Variants in SYN3 observed in about 807,000 individuals in gnomAD.
SYN3 encodes synapsin III, also known as synapsin-3.
Under a neutral mutation model 65.8 loss-of-function variants are expected in SYN3, and 35 were observed. The ratio of observed to expected loss-of-function variants is 0.53; its 90% CI spans 0.41 to 0.70. The LOEUF (loss-of-function observed/expected upper bound fraction) is 0.70, where lower values mean the gene tolerates loss of function less well. Ranked by LOEUF, SYN3 falls within the 30% of genes least tolerant of loss-of-function variation. SYN3 has a pLI of 0.00. For missense variants in SYN3, 680 were observed against 749.0 expected (o/e 0.91, Z 1.08); for synonymous variants, 270 against 292.9 (o/e 0.92, Z 0.80).
chr22:32,631,009 G>A (rs1422278696), intron 6 of SYN3, among the ~76,000 whole-genome samples: 1 of 152,164 alleles, frequency 6.6e-6, no homozygotes. Flanking sequence ...AATACCTGCA[G>A]AGGGCCGGGT....
At chr22:32,695,210 T>C (rs1030266994) in intron 6 of SYN3, among the ~76,000 whole-genome samples, 3 of 152,214 alleles carry the variant, frequency 2.0e-5, no homozygotes, top group African/African-American at 7.2e-5. Flanking sequence ...ATTATTTTAT[T>C]TCATTGTTTT....
chr22:32,704,538 G>A lies in SYN3; in HGVS notation c.712-107802C>T, dbSNP rs185658170. ...TGCTGCAATGAACATATGCATGCACGTGTCTTTATGGTAGAACAATTTATA... is the reference window on the plus strand; with the variant it reads ...TGCTGCAATGAACATATGCATGCACATGTCTTTATGGTAGAACAATTTATA... On this transcript the variant is annotated intron_variant, in intron 6 of 13. Transcript: ENST00000358763. Among the ~76,000 whole-genome samples, 87 of 152,272 alleles carry A rather than the reference G, an allele frequency of 5.7e-4. 1 individual carries two copies. In the East Asian group the frequency reaches 0.015, roughly 26 times the overall value.
intron 6 of SYN3, among the ~76,000 whole-genome samples, chr22:32,770,105 G>A (rs544422043): frequency 2.6e-5 from 4 of 152,172 alleles, no homozygotes; most frequent in East Asian, 3.9e-4. Context: ...GCTCAGCCCC[G>A]AAACCTTGGA....
Position 32,518,159 on chromosome 22 carries a change from C to T in SYN3, c.1494G>A (p.Gln498=). The change falls in exon 13 of 14, where the codon CAG becomes CAA. Residue 498 remains glutamine, a synonymous_variant. Transcript: ENST00000358763. The part of the protein sequence containing the change: ...SRASSGSSPN[Q]ASKPGATLAS... ...CGAGGGTGGCACCTGGCTTGGAGGC[C>T]TGGTTTGGGGAGCTGCCACTGGATG... 1 of 1,612,792 alleles carries T rather than the reference C, an allele frequency of 6.2e-7. No individual in the cohort carries two copies.
intron 6 of SYN3, among the ~76,000 whole-genome samples, chr22:32,752,336 T>G (rs954217237): frequency 6.6e-6 from 1 of 152,122 alleles, no homozygotes; most frequent in African/African-American, 2.4e-5. Context: ...TTCGTCTCCA[T>G]CCTTCTCACC....
chr22:32,624,081 T>C (rs1336058163), intron 6 of SYN3, among the ~76,000 whole-genome samples: 1 of 152,220 alleles, frequency 6.6e-6, no homozygotes, highest in Non-Finnish European at 1.5e-5. Flanking sequence ...GATCAACTGT[T>C]TGGACTTCTG....
At chr22:32,653,434 C>G (rs924411997) in intron 6 of SYN3, among the ~76,000 whole-genome samples, 8 of 151,770 alleles carry the variant, frequency 5.3e-5, no homozygotes, top group African/African-American at 1.9e-4. Flanking sequence ...ATGAAACAAA[C>G]AAAAAAGGTT....
intron 6 of SYN3, among the ~76,000 whole-genome samples, chr22:32,621,559 G>A (rs2146751110): frequency 6.6e-6 from 1 of 152,256 alleles, no homozygotes; most frequent in African/African-American, 2.4e-5. Flanking sequence ...AGGAGCCCTG[G>A]GCTTGGGGGT....
At chr22:33,000,382 C>T (rs766863911) in intron 2 of SYN3, among the ~76,000 whole-genome samples, 1 of 152,162 alleles carries the variant, frequency 6.6e-6, no homozygotes, top group Non-Finnish European at 1.5e-5. Flanking sequence ...GCAAAGACGG[C>T]TTTGAGACCC....
At chr22:32,533,765 C>G (rs1189778901) in intron 10 of SYN3, 28 bp downstream of exon 10, 1 of 1,547,982 alleles carries the variant, frequency 6.5e-7, no homozygotes, top group African/African-American at 1.4e-5. Context: ...CTGGACCAGC[C>G]AGGAGGACTC....
intron 6 of SYN3, among the ~76,000 whole-genome samples, chr22:32,849,191 C>T (rs2048150841): frequency 6.6e-6 from 1 of 152,170 alleles, no homozygotes; most frequent in African/African-American, 2.4e-5. Flanking sequence ...CGGGGGTTGA[C>T]TATAGCCTTG....
At chr22:33,042,381 A>C (rs1189568262) in intron 1 of SYN3, among the ~76,000 whole-genome samples, 3 of 152,182 alleles carry the variant, frequency 2.0e-5, no homozygotes, top group African/African-American at 7.2e-5. Context: ...AAAGAAGCAA[A>C]GCCCTTTAGT....
Position 32,556,810 on chromosome 22 carries a change from T to C in SYN3, c.775-15097A>G, listed in dbSNP as rs1452949951. On this transcript the variant is annotated intron_variant, in intron 7 of 13. Transcript: ENST00000358763. ...CCAATCTATAGGTTTCCTGGTTTTTTTTTTTTTTTTTTTTTTTTTTTTTTT... is the reference window on the plus strand; with the variant it reads ...CCAATCTATAGGTTTCCTGGTTTTTCTTTTTTTTTTTTTTTTTTTTTTTTT... Among the ~76,000 whole-genome samples, 46 of 101,914 alleles carry C rather than the reference T, an allele frequency of 4.5e-4. 4 individuals carry two copies. The highest frequency in any genetic ancestry group is 1.2e-3 in the African/African-American group (32 of 26,666). The allele number at this position is 101,914 out of a possible 152,430, so 66.9% of individuals were successfully genotyped here. A position where few individuals can be genotyped will look rare whatever the true frequency, so the allele number is the denominator to read the frequency against.
At chr22:32,689,782 C>T (rs2060638353) in intron 6 of SYN3, among the ~76,000 whole-genome samples, 1 of 152,078 alleles carries the variant, frequency 6.6e-6, no homozygotes, top group African/African-American at 2.4e-5. Context: ...GCATTTAAGT[C>T]CCAGATCCTA....
intron 7 of SYN3, among the ~76,000 whole-genome samples, chr22:32,577,816 C>G (rs147144213): frequency 3.0e-4 from 45 of 152,324 alleles, no homozygotes; most frequent in Non-Finnish European, 5.9e-4. Context: ...TGCCCTTCCT[C>G]CACATGTCCA....
intron 6 of SYN3, among the ~76,000 whole-genome samples, chr22:32,688,852 T>C (rs2060626580): frequency 3.3e-5 from 5 of 152,274 alleles, no homozygotes; most frequent in East Asian, 1.9e-4. Context: ...GGTAAAATAC[T>C]TGGGCTGGTG....
chr22:33,052,721 T>C (rs2054190681), intron 1 of SYN3, among the ~76,000 whole-genome samples: 1 of 152,194 alleles, frequency 6.6e-6, no homozygotes, highest in South Asian at 2.1e-4. Context: ...CCAAAGACAT[T>C]ACATCATCGG....
intron 3 of SYN3, 129 bp from the exon 4 acceptor site, chr22:32,931,610 G>T (rs73881913): frequency 3.1e-6 from 2 of 636,382 alleles, no homozygotes; most frequent in East Asian, 2.8e-5. Flanking sequence ...GGAAGTTGCC[G>T]ATATTATTTT....
chr22:32,895,329 T>C (rs1047946161), intron 4 of SYN3, among the ~76,000 whole-genome samples: 2 of 152,234 alleles, frequency 1.3e-5, no homozygotes, highest in African/African-American at 4.8e-5. Context: ...CAGCAGATCC[T>C]GGAATTCTCA....
Sources: gnomAD v4.1 joint callset for allele counts (sites outside exome capture counted in the v4.1 genomes callset) on GRCh38, gnomAD v4.1.1 for gene constraint, MANE v1.5 for transcripts, NCBI Gene and HGNC (gene_info 2026-07-23, HGNC 2026-07-21) for gene names.